The following MSRB3 variants were observed in gnomAD, a reference collection of about 807,000 sequenced individuals.
The protein encoded by MSRB3 is methionine-R-sulfoxide reductase B3.
In MSRB3, 13 loss-of-function variants were observed where a neutral mutation model predicts 21.0. That is an observed-to-expected ratio of 0.62 (90% CI 0.40 to 0.98). The LOEUF is 0.98. Ranked by LOEUF, MSRB3 falls within the 50% of genes least tolerant of loss-of-function variation. The probability of loss-of-function intolerance (pLI) is 0.00; values close to 1 mark genes in which losing one functional copy is unlikely to be tolerated. For missense variants in MSRB3, 199 were observed against 230.3 expected (o/e 0.86, Z 0.88); for synonymous variants, 87 against 88.6 (o/e 0.98, Z 0.10).
chr12:65,310,699 A>G (rs1873935060), intron 2 of MSRB3, among the ~76,000 whole-genome samples: 1 of 152,260 alleles, frequency 6.6e-6, no homozygotes, highest in Non-Finnish European at 1.5e-5. Context: ...ACTGAAATAT[A>G]AATATCTTTA....
At position 65,356,075 on chromosome 12, in the gene MSRB3, T is replaced by C. The variant is rs145606000; in HGVS notation, c.264-12923T>C. Among the ~76,000 whole-genome samples, 3 of 151,966 alleles carry C rather than the reference T, an allele frequency of 2.0e-5. No homozygotes were observed. In the East Asian group the frequency reaches 5.8e-4, roughly 29 times the overall value. On this transcript the variant is annotated intron_variant, in intron 4 of 6. Coordinates refer to ENST00000308259, the MANE Select transcript of MSRB3 (RefSeq NM_001031679.3). ...ATGCTTTCCAGATTTGAAGGAAGGG[T>C]TCTTGATATTGAATATTTGTCTTTC...
intron 1 of MSRB3, among the ~76,000 whole-genome samples, chr12:65,302,638 CAAATA>C (rs2136413764): frequency 6.6e-6 from 1 of 152,200 alleles, no homozygotes; most frequent in South Asian, 2.1e-4. Context: ...TTTCTTAAAA[CAAATA>C]CAATCACAAA....
chr12:65,415,233 T>G (rs1421338180), intron 5 of MSRB3, among the ~76,000 whole-genome samples: 1 of 152,136 alleles, frequency 6.6e-6, no homozygotes, highest in Non-Finnish European at 1.5e-5. Flanking sequence ...TTAGGATGCT[T>G]TATAATTTGA....
chr12:65,314,142 T>G (rs1441555792), intron 2 of MSRB3, among the ~76,000 whole-genome samples: 1 of 152,188 alleles, frequency 6.6e-6, no homozygotes, highest in African/African-American at 2.4e-5. Context: ...ATTGAAATTG[T>G]CTTTCATGTG....
At chr12:65,365,242 G>A (rs1877941860) in intron 4 of MSRB3, among the ~76,000 whole-genome samples, 1 of 152,138 alleles carries the variant, frequency 6.6e-6, no homozygotes, top group South Asian at 2.1e-4. Flanking sequence ...TTGGGAGCAT[G>A]AGGATGCATG....
intron 4 of MSRB3, among the ~76,000 whole-genome samples, chr12:65,347,396 T>G (rs1327416147): frequency 6.6e-6 from 1 of 152,206 alleles, no homozygotes; most frequent in Non-Finnish European, 1.5e-5. Context: ...TGTCTGTTAT[T>G]GGTGTATTAG....
intron 2 of MSRB3, among the ~76,000 whole-genome samples, chr12:65,313,743 A>G (rs1414906766): frequency 6.6e-6 from 1 of 152,128 alleles, no homozygotes. Flanking sequence ...CTTACCCAAC[A>G]TCTGACCTAA....
chr12:65,351,841 A>T (rs1174254968), intron 4 of MSRB3, among the ~76,000 whole-genome samples: 1 of 152,184 alleles, frequency 6.6e-6, no homozygotes, highest in Non-Finnish European at 1.5e-5. Context: ...AACCAAAAAG[A>T]GTCCAGGACC....
intron 5 of MSRB3, among the ~76,000 whole-genome samples, chr12:65,410,674 C>T (rs1248864796): frequency 1.3e-5 from 2 of 152,058 alleles, no homozygotes; most frequent in Non-Finnish European, 2.9e-5. Context: ...GCAACTTGCT[C>T]ATTGTGTAAT....
intron 5 of MSRB3, among the ~76,000 whole-genome samples, chr12:65,384,915 A>C (rs1284400794): frequency 6.6e-6 from 1 of 152,174 alleles, no homozygotes; most frequent in Admixed American, 6.5e-5. Flanking sequence ...ATGTTTTCTA[A>C]GTGCATAAAT....
At chr12:65,389,220 T>G (rs1273252192) in intron 5 of MSRB3, among the ~76,000 whole-genome samples, 11 of 152,200 alleles carry the variant, frequency 7.2e-5, no homozygotes, top group Admixed American at 6.5e-4. Flanking sequence ...GCATGATTCT[T>G]TCTTACTATC....
chr12:65,444,280 G>T (rs1882514602), intron 5 of MSRB3, among the ~76,000 whole-genome samples: 1 of 151,964 alleles, frequency 6.6e-6, no homozygotes, highest in African/African-American at 2.4e-5. Context: ...AGATTACAAT[G>T]GTCATTTAAG....
intron 5 of MSRB3, among the ~76,000 whole-genome samples, chr12:65,450,117 TAA>T: frequency 1.3e-5 from 2 of 150,688 alleles, no homozygotes; most frequent in Non-Finnish European, 3.0e-5. Context: ...TGCTGCAATC[TAA>T]AAAAAAAATC....
At chr12:65,390,477 A>G (rs1238400729) in intron 5 of MSRB3, among the ~76,000 whole-genome samples, 1 of 152,212 alleles carries the variant, frequency 6.6e-6, no homozygotes, top group Non-Finnish European at 1.5e-5. Context: ...AGAAATGCAA[A>G]TTGCATCAAC....
At chr12:65,386,096 ATTG>A (rs1482433439) in intron 5 of MSRB3, among the ~76,000 whole-genome samples, 1 of 151,958 alleles carries the variant, frequency 6.6e-6, no homozygotes, top group East Asian at 1.9e-4. Flanking sequence ...TTACAGCATC[ATTG>A]TTAACTCCTG....
intron 5 of MSRB3, among the ~76,000 whole-genome samples, chr12:65,395,281 A>G (rs1014476160): frequency 2.3e-4 from 35 of 152,098 alleles, no homozygotes; most frequent in Admixed American, 2.1e-3. Context: ...AGCCTGACCA[A>G]CATGGTGAAA....
chr12:65,350,047 A>T (rs1384511881), intron 4 of MSRB3, among the ~76,000 whole-genome samples: 1 of 151,964 alleles, frequency 6.6e-6, no homozygotes, highest in Non-Finnish European at 1.5e-5. Flanking sequence ...TTTTAGGTCT[A>T]ACATTTAAGT....
At chr12:65,425,818 A>C (rs1319669136) in intron 5 of MSRB3, among the ~76,000 whole-genome samples, 1 of 152,106 alleles carries the variant, frequency 6.6e-6, no homozygotes, top group Admixed American at 6.6e-5. Context: ...CCTGAATTTG[A>C]GGATGTAATT....
intron 6 of MSRB3, among the ~76,000 whole-genome samples, chr12:65,456,313 G>A (rs1465681071): frequency 6.6e-6 from 1 of 152,160 alleles, no homozygotes; most frequent in Non-Finnish European, 1.5e-5. Context: ...TGAAGCATAA[G>A]ATATTAACTT....
Sources: allele counts gnomAD v4.1 joint callset (sites outside exome capture counted in the v4.1 genomes callset), GRCh38; gene constraint gnomAD v4.1.1; transcripts MANE v1.5; gene names NCBI Gene and HGNC (gene_info 2026-07-23, HGNC 2026-07-21).